The following ARHGAP15 variants were observed in gnomAD, a reference collection of about 807,000 sequenced individuals.
ARHGAP15 encodes the protein rho GTPase-activating protein 15.
A neutral mutation model predicts 63.7 loss-of-function variants in ARHGAP15; 51 were observed. The ratio of observed to expected loss-of-function variants is 0.80; its 90% confidence interval spans 0.64 to 1.01. The LOEUF is 1.01. Ranked by LOEUF, ARHGAP15 falls within the 50% of genes least tolerant of loss-of-function variation. The pLI is 0.00. For missense variants in ARHGAP15, 560 were observed against 564.6 expected, an observed-to-expected ratio of 0.99 and a Z score of 0.08; for synonymous variants, 191 against 193.8, an observed-to-expected ratio of 0.99 and a Z score of 0.12.
At chr2:143,411,466 C>T (rs1426271884) in intron 6 of ARHGAP15, among the ~76,000 whole-genome samples, 1 of 152,136 alleles carries the variant, frequency 6.6e-6, no homozygotes, top group Non-Finnish European at 1.5e-5. Context: ...ATGGACTTTG[C>T]TTCCGTTAAC....
At chr2:143,221,048 T>C (rs1389085921) in intron 4 of ARHGAP15, among the ~76,000 whole-genome samples, 1 of 152,116 alleles carries the variant, frequency 6.6e-6, no homozygotes, top group Non-Finnish European at 1.5e-5. Flanking sequence ...GCTTTATCTC[T>C]CTTGCTTTAA....
chr2:143,201,347 T>A (rs1299592988), intron 2 of ARHGAP15, among the ~76,000 whole-genome samples: 4 of 152,008 alleles, frequency 2.6e-5, no homozygotes, highest in African/African-American at 9.7e-5. Flanking sequence ...AGGGCTCTTT[T>A]TAAATTTAAT....
At chr2:143,409,574 A>G (rs1438825189) in intron 6 of ARHGAP15, among the ~76,000 whole-genome samples, 1 of 152,120 alleles carries the variant, frequency 6.6e-6, no homozygotes, top group Non-Finnish European at 1.5e-5. Flanking sequence ...TACCCCCAGT[A>G]CAAAGAATAA....
At chr2:143,263,984 G>A (rs1248292528) in intron 6 of ARHGAP15, among the ~76,000 whole-genome samples, 1 of 128,770 alleles carries the variant, frequency 7.8e-6, no homozygotes, top group Non-Finnish European at 1.6e-5. Flanking sequence ...CATGAATCAG[G>A]CTTGAGGTTT....
In ARHGAP15 at chr2:143,718,252, T is replaced by C. The variant is rs150742673; in HGVS notation, c.1244+14728T>C. On this transcript the variant is annotated intron_variant, in intron 13 of 13. Coordinates refer to ENST00000295095, the MANE Select transcript of ARHGAP15 (RefSeq NM_018460.4). ...ATTTTGTCTGTAGCTAGTAGCAGAC[T>C]CAACCCACACTTGACTTTGAAGCAG... is the stretch of plus-strand genomic sequence containing the variant. Among the ~76,000 whole-genome samples the C allele has an allele frequency of 1.9e-3, 286 of 152,322 alleles. 1 individual carries two copies. The highest frequency in any genetic ancestry group is 3.3e-3 in the Non-Finnish European group (224 of 68,032).
chr2:143,455,435 C>T (rs970645927), intron 8 of ARHGAP15, among the ~76,000 whole-genome samples: 9 of 151,936 alleles, frequency 5.9e-5, no homozygotes, highest in Non-Finnish European at 1.3e-4. Flanking sequence ...CTTGTACTGA[C>T]CTCCTATCTC....
chr2:143,281,925 A>G (rs1341085030), intron 6 of ARHGAP15, among the ~76,000 whole-genome samples: 1 of 152,144 alleles, frequency 6.6e-6, no homozygotes, highest in Non-Finnish European at 1.5e-5. Context: ...TCCAGTATTC[A>G]TAAGCTTATG....
intron 6 of ARHGAP15, among the ~76,000 whole-genome samples, chr2:143,414,260 G>T (rs1322577706): frequency 6.6e-6 from 1 of 151,658 alleles, no homozygotes; most frequent in African/African-American, 2.4e-5. Context: ...AAGCAGATTT[G>T]ATCAATAAAA....
intron 6 of ARHGAP15, among the ~76,000 whole-genome samples, chr2:143,265,592 G>A (rs1169089039): frequency 6.6e-6 from 1 of 152,120 alleles, no homozygotes; most frequent in African/African-American, 2.4e-5. Context: ...TTGGAATTAA[G>A]TATTCCAATA....
At chr2:143,472,977 A>AT (rs1284816639) in intron 8 of ARHGAP15, among the ~76,000 whole-genome samples, 3 of 152,026 alleles carry the variant, frequency 2.0e-5, no homozygotes, top group Non-Finnish European at 4.4e-5. Context: ...ATTATTAAAC[A>AT]TTTTTATTGA....
At chr2:143,152,566 G>T (rs1574016058) in intron 1 of ARHGAP15, among the ~76,000 whole-genome samples, 1 of 151,986 alleles carries the variant, frequency 6.6e-6, no homozygotes, top group Non-Finnish European at 1.5e-5. Context: ...AATGGTGCCT[G>T]CCACTTAGGA....
At chr2:143,686,661 T>A (rs1462292730) in intron 12 of ARHGAP15, among the ~76,000 whole-genome samples, 1 of 152,158 alleles carries the variant, frequency 6.6e-6, no homozygotes, top group Non-Finnish European at 1.5e-5. Context: ...TTTGCCCCCA[T>A]CTCAAATCAC....
At chr2:143,340,527 CTTTTT>C (rs5834944) in intron 6 of ARHGAP15, among the ~76,000 whole-genome samples, 2 of 148,818 alleles carry the variant, frequency 1.3e-5, no homozygotes, top group Non-Finnish European at 3.0e-5. Context: ...GATTTTTTCT[CTTTTT>C]TTTTTTAATA....
At chr2:143,658,883 T>G (rs917316134) in intron 12 of ARHGAP15, among the ~76,000 whole-genome samples, 2 of 152,246 alleles carry the variant, frequency 1.3e-5, no homozygotes, top group Non-Finnish European at 2.9e-5. Flanking sequence ...TAATCACAGC[T>G]TAATCTCGAA....
At chr2:143,243,857 C>T (rs1231659328) in intron 5 of ARHGAP15, among the ~76,000 whole-genome samples, 1 of 152,100 alleles carries the variant, frequency 6.6e-6, no homozygotes, top group Non-Finnish European at 1.5e-5. Context: ...CTTATTAGGA[C>T]CATTTTTACA....
At chr2:143,487,764 C>T (rs1271037178) in intron 9 of ARHGAP15, among the ~76,000 whole-genome samples, 3 of 152,084 alleles carry the variant, frequency 2.0e-5, no homozygotes, top group Non-Finnish European at 4.4e-5. Flanking sequence ...GAAAGGATAT[C>T]CTAGTGTCCT....
intron 8 of ARHGAP15, among the ~76,000 whole-genome samples, chr2:143,470,974 TAC>T (rs975761723): frequency 6.9e-6 from 1 of 144,396 alleles, no homozygotes; most frequent in African/African-American, 2.5e-5. Context: ...TGTGTGTACA[TAC>T]ACACGTGTAT....
chr2:143,666,031 C>G (rs201544413), intron 12 of ARHGAP15, among the ~76,000 whole-genome samples: 21,777 of 149,252 alleles, frequency 0.15, 1,695 homozygotes, highest in East Asian at 0.23. Context: ...CCCCATCAAG[C>G]TACCAATGAC....
chr2:143,284,507 A>T (rs1361298314), intron 6 of ARHGAP15, among the ~76,000 whole-genome samples: 1 of 152,200 alleles, frequency 6.6e-6, no homozygotes, highest in Admixed American at 6.6e-5. Context: ...CTAAAAGACA[A>T]TTGGAAAATA....
Sources: allele counts gnomAD v4.1 joint callset (sites outside exome capture counted in the v4.1 genomes callset), GRCh38; gene constraint gnomAD v4.1.1; transcripts MANE v1.5; gene names NCBI Gene and HGNC (gene_info 2026-07-23, HGNC 2026-07-21).